Variants in ADGRG7 observed in about 807,000 individuals in gnomAD.
ADGRG7 encodes the protein adhesion G protein-coupled receptor G7.
ADGRG7 carries 82 observed loss-of-function variants against 88.6 expected under a neutral mutation model. The observed-to-expected ratio is 0.93, with a 90% confidence interval of 0.77 to 1.11. The LOEUF is 1.11. ADGRG7 is among the 50% of genes most tolerant of loss of function. The pLI, the probability that ADGRG7 is intolerant of heterozygous loss-of-function variation, is 0.00. For missense variants in ADGRG7, 945 were observed against 953.4 expected, an observed-to-expected ratio of 0.99 and a Z score of 0.12; for synonymous variants, 381 against 345.2, an observed-to-expected ratio of 1.10 and a Z score of -1.15.
At chr3:100,628,195 A>G (rs1467949301) in intron 1 of ADGRG7, among the ~76,000 whole-genome samples, 1 of 152,104 alleles carries the variant, frequency 6.6e-6, no homozygotes, top group Admixed American at 6.6e-5. Context: ...TGGAAATACT[A>G]TAGAGACTTC....
At chr3:100,624,940 C>A (rs2149014921) in intron 1 of ADGRG7, among the ~76,000 whole-genome samples, 1 of 152,204 alleles carries the variant, frequency 6.6e-6, no homozygotes, top group East Asian at 1.9e-4. Context: ...TTATTGTAGC[C>A]TTGTAGTATA....
At chr3:100,622,042 A>C (rs1707318239) in intron 1 of ADGRG7, among the ~76,000 whole-genome samples, 1 of 152,136 alleles carries the variant, frequency 6.6e-6, no homozygotes, top group South Asian at 2.1e-4. Flanking sequence ...TGCTCTTATG[A>C]TAATCTAATG....
At position 100,689,179 on chromosome 3, in the gene ADGRG7, A is replaced by C. The variant is rs2094988678; in HGVS notation, c.2137-5565A>C. Among the ~76,000 whole-genome samples the C allele has an allele frequency of 2.6e-5, 4 of 152,240 alleles. No individual in the cohort carries two copies. The South Asian group carries it at 8.3e-4, about 32-fold the overall frequency. On this transcript the variant is annotated intron_variant, in intron 15 of 15. Coordinates refer to ENST00000273352, the MANE Select transcript of ADGRG7 (RefSeq NM_032787.3). Reference sequence around the variant, plus strand: ...TCTTTGTTGGTTTAAAGTCTGTTTTATCAGAGACTAGGATTGCAACCCCTG... The same window carrying C: ...TCTTTGTTGGTTTAAAGTCTGTTTTCTCAGAGACTAGGATTGCAACCCCTG...
intron 15 of ADGRG7, among the ~76,000 whole-genome samples, chr3:100,689,005 G>A (rs1191542570): frequency 3.3e-5 from 5 of 152,128 alleles, no homozygotes; most frequent in Non-Finnish European, 5.9e-5. Context: ...TTATTGTGTG[G>A]GAGTCTAAGT....
chr3:100,667,680 G>A (rs2094953608), intron 14 of ADGRG7, among the ~76,000 whole-genome samples: 1 of 152,130 alleles, frequency 6.6e-6, no homozygotes, highest in Admixed American at 6.5e-5. Flanking sequence ...ATAATCCTTT[G>A]GGCATATGCC....
chr3:100,626,185 C>T (rs1035520515), intron 1 of ADGRG7, among the ~76,000 whole-genome samples: 1 of 152,160 alleles, frequency 6.6e-6, no homozygotes, highest in African/African-American at 2.4e-5. Context: ...GCCTCAATTT[C>T]AGAGCTCGTT....
At chr3:100,686,943 G>T (rs1335047047) in intron 15 of ADGRG7, among the ~76,000 whole-genome samples, 4 of 152,114 alleles carry the variant, frequency 2.6e-5, no homozygotes, top group Non-Finnish European at 5.9e-5. Flanking sequence ...TGATGGGGTT[G>T]GCATTGAATC....
intron 13 of ADGRG7, among the ~76,000 whole-genome samples, chr3:100,658,433 A>G (rs2094940444): frequency 4.6e-5 from 7 of 152,224 alleles, no homozygotes; most frequent in Admixed American, 4.6e-4. Flanking sequence ...AACTCAAGAC[A>G]GATCACGTCA....
intron 15 of ADGRG7, among the ~76,000 whole-genome samples, chr3:100,684,029 C>T (rs2094978029): frequency 6.6e-6 from 1 of 152,038 alleles, no homozygotes; most frequent in Admixed American, 6.5e-5. Flanking sequence ...AGCATTATAC[C>T]TCTCAGCAAT....
chr3:100,643,448 C>G (rs944327164), intron 7 of ADGRG7, 43 bp downstream of exon 7: 1 of 1,611,140 alleles, frequency 6.2e-7, no homozygotes, highest in African/African-American at 1.3e-5. Context: ...AAAGAGCATT[C>G]TGCTACTGAT....
intron 14 of ADGRG7, among the ~76,000 whole-genome samples, chr3:100,667,480 T>C (rs2094953386): frequency 6.6e-6 from 1 of 152,212 alleles, no homozygotes; most frequent in African/African-American, 2.4e-5. Context: ...TCCAGCTTCA[T>C]CCATGTCCAT....
intron 6 of ADGRG7, among the ~76,000 whole-genome samples, chr3:100,641,273 A>C (rs1157394329): frequency 6.6e-6 from 1 of 151,858 alleles, no homozygotes; most frequent in Non-Finnish European, 1.5e-5. Flanking sequence ...AGGGAAGCTT[A>C]AGAGAGTTTT....
intron 1 of ADGRG7, among the ~76,000 whole-genome samples, chr3:100,626,235 G>T (rs1707379106): frequency 6.6e-6 from 1 of 152,164 alleles, no homozygotes; most frequent in Non-Finnish European, 1.5e-5. Flanking sequence ...TTTTAGTCTT[G>T]TGAGGGTGTA....
At chr3:100,645,819 T>G in intron 8 of ADGRG7, 126 bp from the exon 9 acceptor site, 1 of 808,314 alleles carries the variant, frequency 1.2e-6, no homozygotes, top group Non-Finnish European at 1.9e-6. Context: ...GTTCAACCAG[T>G]AAACCATTTT....
chr3:100,672,018 AG>A (rs1316216789), intron 15 of ADGRG7, among the ~76,000 whole-genome samples: 1 of 152,200 alleles, frequency 6.6e-6, no homozygotes, highest in African/African-American at 2.4e-5. Context: ...CTTTTTGCTT[AG>A]GATTGTCTTG....
At chr3:100,610,009 A>G (rs778909180) in intron 1 of ADGRG7, 38 bp downstream of exon 1, 1 of 1,532,132 alleles carries the variant, frequency 6.5e-7, no homozygotes, top group African/African-American at 1.4e-5. Context: ...AGAGTAAGAG[A>G]AGGTATGGGA....
chr3:100,646,044 C>T lies in ADGRG7; in HGVS notation c.1046C>T (p.Ser349Leu). Residue 349 changes from serine to leucine, a missense_variant, in exon 9 of 16, where the codon TCA becomes TTA. Ser to Leu is a moderately radical substitution (Grantham distance 145, BLOSUM62 -2). Transcript: ENST00000273352. ...AKSDFSQKII[S>L]SKTDENEQDQ... is the part of the protein sequence containing the mutation. ...TCGGATTTTAGTCAAAAAATTATCTCAAGCAAAACTGATGAAAATGAGCAA... is the reference window on the plus strand; with the variant it reads ...TCGGATTTTAGTCAAAAAATTATCTTAAGCAAAACTGATGAAAATGAGCAA... 1 of 1,613,972 alleles carries T rather than the reference C, an allele frequency of 6.2e-7. No individual in the cohort carries two copies. The highest frequency in any genetic ancestry group is 8.5e-7 in the Non-Finnish European group (1 of 1,179,944).
At position 100,609,839 on chromosome 3, in the gene ADGRG7, T is replaced by C. The variant is rs766970087; in HGVS notation, c.-18T>C. On this transcript the variant is annotated 5_prime_UTR_variant, in exon 1 of 16. Coordinates refer to ENST00000273352, the MANE Select transcript of ADGRG7 (RefSeq NM_032787.3). ...AGTTATTTCTCACCCAGGAGTGGAT[T>C]TGTGGTTTGGCTTCACCATGGCTTC... 4 of 1,591,432 alleles carry C rather than the reference T, an allele frequency of 2.5e-6. No homozygotes were observed. Among genetic ancestry groups the C allele is most frequent in the Admixed American group, 3.3e-5 (2 of 59,964 alleles).
chr3:100,616,618 C>T (rs1029000678), intron 1 of ADGRG7, among the ~76,000 whole-genome samples: 28 of 152,144 alleles, frequency 1.8e-4, no homozygotes, highest in African/African-American at 6.8e-4. Flanking sequence ...TGAGAGCAGC[C>T]TTGGCAACGT....
Sources: allele counts gnomAD v4.1 joint callset (sites outside exome capture counted in the v4.1 genomes callset), GRCh38; gene constraint gnomAD v4.1.1; transcripts MANE v1.5; gene names NCBI Gene and HGNC (gene_info 2026-07-23, HGNC 2026-07-21).